RSAD2: variants seen among roughly 807,000 people sequenced by gnomAD.
RSAD2 encodes the protein S-adenosylmethionine-dependent nucleotide dehydratase RSAD2.
RSAD2 carries 38 observed loss-of-function variants against 37.7 expected under a neutral mutation model. That is an observed-to-expected ratio of 1.01 (90% CI 0.78 to 1.32). The LOEUF (loss-of-function observed/expected upper bound fraction) is 1.32, where lower values mean the gene tolerates loss of function less well. Ranked by LOEUF, RSAD2 falls within the 40% of genes most tolerant of loss-of-function variation. The probability of loss-of-function intolerance (pLI) is 0.00; values close to 1 mark genes in which losing one functional copy is unlikely to be tolerated. For synonymous variants in RSAD2, 163 were observed against 157.4 expected, an observed-to-expected ratio of 1.04 and a Z score of -0.27; for missense variants, 428 against 437.5, an observed-to-expected ratio of 0.98 and a Z score of 0.19.
upstream of RSAD2, among the ~76,000 whole-genome samples, chr2:6,875,380 T>C (rs1330990292): frequency 1.3e-5 from 2 of 152,178 alleles, no homozygotes; most frequent in African/African-American, 4.8e-5. Context: ...GGTATTAAGA[T>C]TGGAGAAAAC....
At chr2:6,895,513 A>T (rs1003127051) in intron 5 of RSAD2, among the ~76,000 whole-genome samples, 1 of 152,190 alleles carries the variant, frequency 6.6e-6, no homozygotes, top group Non-Finnish European at 1.5e-5. Flanking sequence ...CCCCAGTGGA[A>T]CTACATCTGC....
intron 2 of RSAD2, among the ~76,000 whole-genome samples, chr2:6,886,062 A>G (rs1004425981): frequency 2.0e-5 from 3 of 152,214 alleles, no homozygotes; most frequent in Non-Finnish European, 4.4e-5. Flanking sequence ...TCCAGCTTCT[A>G]TAATTTGAAA....
chr2:6,866,042 C>A (rs944105039), exon 1 of RSAD2: 15 of 352,864 alleles, frequency 4.3e-5, no homozygotes, highest in Middle Eastern at 3.8e-4. Flanking sequence ...CCGTCGGCCC[C>A]AAGGTAGCTC....
intron 1 of RSAD2, among the ~76,000 whole-genome samples, chr2:6,880,189 G>A (rs566554802): frequency 1.3e-5 from 2 of 152,236 alleles, no homozygotes; most frequent in Admixed American, 6.5e-5. Flanking sequence ...AGATAATGGA[G>A]GAAAACTATT....
intron 1 of RSAD2, among the ~76,000 whole-genome samples, chr2:6,872,674 A>G (rs1663220660): frequency 6.6e-6 from 1 of 152,204 alleles, no homozygotes; most frequent in Admixed American, 6.5e-5. Flanking sequence ...CATGTCATCA[A>G]AGGTCTAAGT....
rs1264069472 is a variant in RSAD2, at chr2:6,896,823, G to A, written c.*881G>A. 2.0e-5 allele frequency: 3 copies of A among 152,178 alleles called. No individual in the cohort carries two copies. Among genetic ancestry groups the A allele is most frequent in the Admixed American group, 6.5e-5 (1 of 15,274 alleles). The allele number at this position is 152,178 out of a possible 1,614,324, so 9.4% of individuals were successfully genotyped here. ...CATTTGATGATGGAGTTGACATGGA[G>A]GCAGTGCTTGCATTGCTTTGTTCGC... On this transcript the variant is annotated 3_prime_UTR_variant, in exon 6 of 6. Transcript: ENST00000382040.
chr2:6,871,258 C>T (rs1663199675), intron 1 of RSAD2, among the ~76,000 whole-genome samples: 1 of 152,210 alleles, frequency 6.6e-6, no homozygotes, highest in East Asian at 1.9e-4. Flanking sequence ...AGCTGCCTTG[C>T]CTGTTGCTCT....
chr2:6,873,730 T>C (rs1663237699), upstream of RSAD2, among the ~76,000 whole-genome samples: 1 of 152,214 alleles, frequency 6.6e-6, no homozygotes, highest in Admixed American at 6.5e-5. Flanking sequence ...CTTTGGCAGG[T>C]TTCCTCAATA....
chr2:6,887,125 G>C lies in RSAD2; in HGVS notation c.699G>C (p.Met233Ile), dbSNP rs779080694. Residue 233 changes from methionine (M) to isoleucine (I), a missense_variant, in exon 3 of 6, where the codon ATG becomes ATC. Transcript: ENST00000382040. ...VINRFNVEED[M>I]TEQIKALNPV... Reference sequence around the variant, plus strand: ...ATCGTTTCAACGTGGAAGAGGACATGACGGAACAGATCAAAGCACTAAACC... The same window carrying C: ...ATCGTTTCAACGTGGAAGAGGACATCACGGAACAGATCAAAGCACTAAACC... The C allele has an allele frequency of 2.5e-6, 4 of 1,613,188 alleles. No homozygotes were observed. Among genetic ancestry groups the C allele is most frequent in the East Asian group, 4.5e-5 (2 of 44,858 alleles).
intron 2 of RSAD2, among the ~76,000 whole-genome samples, chr2:6,886,312 G>A (rs1663519979): frequency 1.3e-5 from 2 of 152,248 alleles, no homozygotes; most frequent in Admixed American, 6.5e-5. Flanking sequence ...ACGACACGCT[G>A]TCACAGCTCT....
chr2:6,878,295 A>G, intron 1 of RSAD2, 149 bp downstream of exon 1: 5 of 672,588 alleles, frequency 7.4e-6, no homozygotes, highest in South Asian at 5.9e-5. Flanking sequence ...ATGTTGTCCT[A>G]TGAGAAAATA....
At chr2:6,874,802 G>A (rs1168792629), upstream of RSAD2, among the ~76,000 whole-genome samples, 1 of 152,104 alleles carries the variant, frequency 6.6e-6, no homozygotes, top group Non-Finnish European at 1.5e-5. Context: ...CCCTACTTGA[G>A]TCCTCCAAAA....
intron 1 of RSAD2, among the ~76,000 whole-genome samples, chr2:6,870,243 G>A (rs1285756745): frequency 5.3e-5 from 8 of 152,096 alleles, no homozygotes; most frequent in African/African-American, 1.7e-4. Context: ...TGTCAGAAGC[G>A]GAATAAGAAA....
chr2:6,868,514 G>A (rs1049142331), intron 1 of RSAD2, among the ~76,000 whole-genome samples: 2 of 152,200 alleles, frequency 1.3e-5, no homozygotes, highest in Non-Finnish European at 2.9e-5. Context: ...GCCCAGGATA[G>A]AATGTTGAGT....
At chr2:6,893,246 ACCCTTT>A (rs60435876) in intron 4 of RSAD2, among the ~76,000 whole-genome samples, 102,925 of 151,168 alleles carry the variant, frequency 0.68, 35,412 homozygotes, top group East Asian at 0.75. Flanking sequence ...AGGTAAATCG[ACCCTTT>A]AGCTCCAAAA....
chr2:6,881,974 A>G lies in RSAD2; in HGVS notation c.347-1397A>G, dbSNP rs527987994. Reference sequence around the variant, plus strand: ...AACGCATAGACCCCATCCTCCTAAAATGCAGGCAGGCAGGTATGTAACACA... The same window carrying G: ...AACGCATAGACCCCATCCTCCTAAAGTGCAGGCAGGCAGGTATGTAACACA... On this transcript the variant is annotated intron_variant, in intron 1 of 5. Coordinates refer to ENST00000382040, the MANE Select transcript of RSAD2 (RefSeq NM_080657.5). 3.3e-5 allele frequency among the ~76,000 whole-genome samples: 5 copies of G among 152,374 alleles called. No homozygotes were observed. The East Asian group carries it at 7.7e-4, about 23-fold the overall frequency.
upstream of RSAD2, among the ~76,000 whole-genome samples, chr2:6,875,347 G>T (rs746028430): frequency 6.6e-6 from 1 of 152,030 alleles, no homozygotes; most frequent in African/African-American, 2.4e-5. Context: ...TCCCCTACTC[G>T]AATTATTCAA....
intron 2 of RSAD2, among the ~76,000 whole-genome samples, chr2:6,885,749 A>G (rs1403496872): frequency 3.3e-5 from 5 of 149,410 alleles, no homozygotes; most frequent in Admixed American, 1.3e-4. Context: ...TGTCTTTAGT[A>G]TAACTGATAA....
intron 1 of RSAD2, among the ~76,000 whole-genome samples, chr2:6,869,816 C>T (rs188219782): frequency 7.0e-4 from 107 of 152,320 alleles, no homozygotes; most frequent in African/African-American, 2.4e-3. Flanking sequence ...AGACGGAGCT[C>T]AAGTGGCCAA....
Sources: gnomAD v4.1 joint callset for allele counts (sites outside exome capture counted in the v4.1 genomes callset) on GRCh38, gnomAD v4.1.1 for gene constraint, MANE v1.5 for transcripts, NCBI Gene and HGNC (gene_info 2026-07-23, HGNC 2026-07-21) for gene names.